The following PDSS2 variants were observed in gnomAD, a reference collection of about 807,000 sequenced individuals.
The protein encoded by PDSS2 is all trans-polyprenyl-diphosphate synthase PDSS2.
Under a neutral mutation model 44.5 loss-of-function variants are expected in PDSS2, and 31 were observed. The observed-to-expected ratio is 0.70, with a 90% confidence interval of 0.52 to 0.94. The LOEUF is 0.94. Ranked by LOEUF, PDSS2 falls within the 40% of genes least tolerant of loss-of-function variation. The pLI, the probability that PDSS2 is intolerant of heterozygous loss-of-function variation, is 0.00. For synonymous variants in PDSS2, 157 were observed against 180.3 expected, an observed-to-expected ratio of 0.87 and a Z score of 1.03; for missense variants, 452 against 482.2, an observed-to-expected ratio of 0.94 and a Z score of 0.59.
chr6:107,210,410 T>A (rs754069786), intron 6 of PDSS2, 29 bp downstream of exon 6: 1 of 1,541,368 alleles, frequency 6.5e-7, no homozygotes, highest in Non-Finnish European at 9.0e-7. Context: ...TTACTACTGG[T>A]ACCTAAAACA....
chr6:107,286,418 G>C (rs1776153912), intron 2 of PDSS2, among the ~76,000 whole-genome samples: 2 of 151,936 alleles, frequency 1.3e-5, no homozygotes, highest in Admixed American at 6.6e-5. Context: ...GCTGAGGCTG[G>C]AGAATTGCTT....
chr6:107,162,779 A>AT (rs1290767813), intron 7 of PDSS2, among the ~76,000 whole-genome samples: 2 of 151,390 alleles, frequency 1.3e-5, no homozygotes, highest in African/African-American at 4.9e-5. Context: ...TAATTTATGT[A>AT]TTTTTAGTAG....
chr6:107,239,634 C>CTTTTTTTT (rs1177940710), intron 4 of PDSS2, among the ~76,000 whole-genome samples: 16 of 76,930 alleles, frequency 2.1e-4, no homozygotes, highest in Non-Finnish European at 3.0e-4. Context: ...TGTACTCTAC[C>CTTTTTTTT]TTTTTTTTTT....
chr6:107,299,350 T>C (rs1368573756), intron 2 of PDSS2, among the ~76,000 whole-genome samples: 1 of 152,040 alleles, frequency 6.6e-6, no homozygotes, highest in African/African-American at 2.4e-5. Flanking sequence ...TCTCACTATC[T>C]TTATTTTGCT....
intron 1 of PDSS2, among the ~76,000 whole-genome samples, chr6:107,364,409 C>T (rs182226933): frequency 0.029 from 4,195 of 144,736 alleles, 36 homozygotes; most frequent in Non-Finnish European, 0.044. Context: ...AGCTAAGGCC[C>T]GGCGAGAAAT....
intron 1 of PDSS2, among the ~76,000 whole-genome samples, chr6:107,368,114 CA>C: frequency 6.6e-6 from 1 of 151,398 alleles, no homozygotes; most frequent in Non-Finnish European, 1.5e-5. Context: ...ACTAAAAATA[CA>C]AAAATTAGCT....
intron 1 of PDSS2, among the ~76,000 whole-genome samples, chr6:107,367,996 C>T (rs1324942279): frequency 6.6e-6 from 1 of 151,896 alleles, no homozygotes. Flanking sequence ...TCAGGCCAAG[C>T]GCGGTGGCTC....
chr6:107,248,834 C>T (rs1480346541), intron 3 of PDSS2, among the ~76,000 whole-genome samples: 1 of 152,204 alleles, frequency 6.6e-6, no homozygotes, highest in Non-Finnish European at 1.5e-5. Context: ...TATCTGTTGT[C>T]TTCACATGAA....
intron 1 of PDSS2, among the ~76,000 whole-genome samples, chr6:107,384,723 T>C (rs1779560137): frequency 1.3e-5 from 2 of 151,752 alleles, no homozygotes; most frequent in African/African-American, 4.8e-5. Context: ...GGTATGTAAA[T>C]TGTATCTAAA....
intron 2 of PDSS2, among the ~76,000 whole-genome samples, chr6:107,332,166 G>A (rs1002903479): frequency 1.3e-5 from 2 of 150,590 alleles, no homozygotes; most frequent in African/African-American, 2.5e-5. Context: ...ATGCAATGGC[G>A]CAATCTTAGC....
At chr6:107,389,048 T>A (rs979128395) in intron 1 of PDSS2, among the ~76,000 whole-genome samples, 3 of 152,122 alleles carry the variant, frequency 2.0e-5, no homozygotes, top group Non-Finnish European at 4.4e-5. Context: ...ATAGAAAACA[T>A]CAGTGGTTGC....
At chr6:107,245,704 C>T in intron 3 of PDSS2, 85 bp from the exon 4 acceptor site, 1 of 852,646 alleles carries the variant, frequency 1.2e-6, no homozygotes, top group Non-Finnish European at 1.8e-6. Flanking sequence ...GGCTCAGTGG[C>T]AAGGCAGAAT....
chr6:107,314,394 A>G (rs1777138602), intron 2 of PDSS2, among the ~76,000 whole-genome samples: 1 of 152,148 alleles, frequency 6.6e-6, no homozygotes, highest in Non-Finnish European at 1.5e-5. Flanking sequence ...TAACCTAAAA[A>G]TATATTTTTT....
intron 2 of PDSS2, among the ~76,000 whole-genome samples, chr6:107,329,262 T>C (rs1013985511): frequency 3.9e-5 from 6 of 152,212 alleles, no homozygotes; most frequent in African/African-American, 1.4e-4. Context: ...AACCATTCTG[T>C]GAAGTACATA....
intron 1 of PDSS2, among the ~76,000 whole-genome samples, chr6:107,366,679 T>C (rs1778969273): frequency 6.6e-6 from 1 of 152,032 alleles, no homozygotes; most frequent in Middle Eastern, 3.4e-3. Flanking sequence ...AAAAGGACTA[T>C]GAGGGAATAT....
intron 7 of PDSS2, among the ~76,000 whole-genome samples, chr6:107,173,194 C>T (rs963368833): frequency 6.7e-6 from 1 of 150,198 alleles, no homozygotes; most frequent in South Asian, 2.1e-4. Flanking sequence ...GGCAGAGAAA[C>T]AGGGTACAGG....
intron 4 of PDSS2, among the ~76,000 whole-genome samples, chr6:107,221,469 T>C (rs1171162247): frequency 3.2e-5 from 2 of 61,698 alleles, no homozygotes; most frequent in Non-Finnish European, 5.6e-5. Flanking sequence ...TTTGACGGGA[T>C]TTCCTTTTTT....
intron 6 of PDSS2, among the ~76,000 whole-genome samples, chr6:107,209,744 T>C (rs1390869964): frequency 3.3e-5 from 5 of 151,992 alleles, no homozygotes; most frequent in Non-Finnish European, 5.9e-5. Context: ...GGATGGTGGC[T>C]ACCCCCACCC....
At chr6:107,372,232 T>G (rs989634934) in intron 1 of PDSS2, among the ~76,000 whole-genome samples, 1 of 152,140 alleles carries the variant, frequency 6.6e-6, no homozygotes, top group African/African-American at 2.4e-5. Flanking sequence ...TTTCTTTATT[T>G]TTTTTTCACC....
Sources: allele counts gnomAD v4.1 joint callset (sites outside exome capture counted in the v4.1 genomes callset), GRCh38; gene constraint gnomAD v4.1.1; transcripts MANE v1.5; gene names NCBI Gene and HGNC (gene_info 2026-07-23, HGNC 2026-07-21).